Variants in DLG2 observed in about 807,000 individuals in gnomAD.
DLG2 encodes the protein discs large MAGUK scaffold protein 2.
DLG2 carries 45 observed loss-of-function variants against 132.5 expected under a neutral mutation model. The ratio of observed to expected loss-of-function variants is 0.34; its 90% confidence interval spans 0.27 to 0.44. The LOEUF is 0.44. Among genes scored for constraint, DLG2 ranks in the 20% least tolerant of loss-of-function variants. The pLI is 1.00. For missense variants in DLG2, 1,045 were observed against 1,196.9 expected (o/e 0.87, Z 1.87); for synonymous variants, 424 against 419.6 (o/e 1.01, Z -0.13).
At chr11:83,898,495 C>T (rs543606105) in intron 15 of DLG2, among the ~76,000 whole-genome samples, 1 of 152,020 alleles carries the variant, frequency 6.6e-6, no homozygotes, top group Admixed American at 6.6e-5. Flanking sequence ...ATAATGGAGA[C>T]TTTTTCTTTT....
chr11:85,020,280 T>G (rs2059929855), intron 6 of DLG2, among the ~76,000 whole-genome samples: 1 of 152,224 alleles, frequency 6.6e-6, no homozygotes, highest in Admixed American at 6.5e-5. Flanking sequence ...GAGAAGTGTC[T>G]GTTCATGTCC....
At chr11:85,219,295 C>A (rs893235548) in intron 4 of DLG2, among the ~76,000 whole-genome samples, 1 of 152,138 alleles carries the variant, frequency 6.6e-6, no homozygotes, top group African/African-American at 2.4e-5. Flanking sequence ...GGTCTCTAGG[C>A]TAGATTATAT....
At chr11:85,542,364 CA>C (rs1450956613) in intron 3 of DLG2, among the ~76,000 whole-genome samples, 1 of 152,028 alleles carries the variant, frequency 6.6e-6, no homozygotes, top group African/African-American at 2.4e-5. Flanking sequence ...AACTGAGTGG[CA>C]AACAAATGAT....
chr11:85,173,691 G>A (rs1434715450), intron 4 of DLG2, among the ~76,000 whole-genome samples: 1 of 152,078 alleles, frequency 6.6e-6, no homozygotes, highest in Non-Finnish European at 1.5e-5. Context: ...AAGCTGGATA[G>A]AGTCAAGACC....
intron 3 of DLG2, among the ~76,000 whole-genome samples, chr11:85,365,815 C>G (rs2084504303): frequency 6.6e-6 from 1 of 152,248 alleles, no homozygotes; most frequent in South Asian, 2.1e-4. Context: ...CAATCATTCT[C>G]AGCAAACTAA....
At chr11:85,415,905 T>C (rs1307745967) in intron 3 of DLG2, among the ~76,000 whole-genome samples, 1 of 152,226 alleles carries the variant, frequency 6.6e-6, no homozygotes, top group African/African-American at 2.4e-5. Context: ...TTGGGTTTTG[T>C]TGCCATTGCT....
intron 6 of DLG2, among the ~76,000 whole-genome samples, chr11:84,771,289 T>C (rs1400981890): frequency 6.6e-6 from 1 of 152,178 alleles, no homozygotes; most frequent in Non-Finnish European, 1.5e-5. Context: ...CTGTTATTTG[T>C]TGACTTTTTA....
chr11:84,393,548 A>G (rs1198430487), intron 7 of DLG2, among the ~76,000 whole-genome samples: 1 of 152,102 alleles, frequency 6.6e-6, no homozygotes, highest in Non-Finnish European at 1.5e-5. Context: ...TGACTTGCCT[A>G]TTTCTCTTAC....
At chr11:84,335,777 T>A (rs536265708) in intron 7 of DLG2, among the ~76,000 whole-genome samples, 1 of 152,260 alleles carries the variant, frequency 6.6e-6, no homozygotes, top group African/African-American at 2.4e-5. Context: ...GTTTACCTCT[T>A]AGGATAGTTG....
intron 18 of DLG2, among the ~76,000 whole-genome samples, chr11:83,688,997 C>A (rs1275852084): frequency 6.6e-6 from 1 of 152,096 alleles, no homozygotes; most frequent in Non-Finnish European, 1.5e-5. Context: ...ACGTTGAATG[C>A]CAGAAGAACG....
intron 4 of DLG2, among the ~76,000 whole-genome samples, chr11:85,268,694 G>C (rs1156298555): frequency 6.6e-6 from 1 of 152,130 alleles, no homozygotes; most frequent in Non-Finnish European, 1.5e-5. Flanking sequence ...ATGTCAGGTA[G>C]CACATTACAA....
chr11:85,391,649 A>G (rs544670436), intron 3 of DLG2, among the ~76,000 whole-genome samples: 1 of 152,268 alleles, frequency 6.6e-6, no homozygotes, highest in Non-Finnish European at 1.5e-5. Context: ...AAGCCAATAA[A>G]TGTGATACAC....
intron 6 of DLG2, among the ~76,000 whole-genome samples, chr11:84,648,045 G>A (rs2099677034): frequency 6.6e-6 from 1 of 152,038 alleles, no homozygotes; most frequent in African/African-American, 2.4e-5. Flanking sequence ...GAAACCTTAG[G>A]TAACTTACCC....
At chr11:85,214,256 T>C (rs2152572070) in intron 4 of DLG2, among the ~76,000 whole-genome samples, 1 of 152,282 alleles carries the variant, frequency 6.6e-6, no homozygotes. Context: ...GTCTTGATTA[T>C]TAGGACAACC....
At chr11:84,872,044 T>C (rs1397961547) in intron 6 of DLG2, among the ~76,000 whole-genome samples, 4 of 152,236 alleles carry the variant, frequency 2.6e-5, no homozygotes, top group Non-Finnish European at 5.9e-5. Context: ...AACAAGTTTA[T>C]ATCCTATCTA....
At chr11:85,559,825 T>C (rs2077135875) in intron 3 of DLG2, among the ~76,000 whole-genome samples, 2 of 121,528 alleles carry the variant, frequency 1.6e-5, no homozygotes, top group Admixed American at 1.5e-4. Flanking sequence ...GATTGATAGA[T>C]AGATAGATAG....
At chr11:84,930,600 C>T (rs1270093617) in intron 6 of DLG2, among the ~76,000 whole-genome samples, 1 of 151,760 alleles carries the variant, frequency 6.6e-6, no homozygotes, top group Non-Finnish European at 1.5e-5. Flanking sequence ...AAGAAGAAAA[C>T]AAAAACAAAA....
intron 7 of DLG2, among the ~76,000 whole-genome samples, chr11:84,345,873 T>C (rs2098537252): frequency 6.6e-6 from 1 of 152,196 alleles, no homozygotes; most frequent in Non-Finnish European, 1.5e-5. Flanking sequence ...ACTTGAATAG[T>C]AGTATCCGAG....
intron 7 of DLG2, among the ~76,000 whole-genome samples, chr11:84,458,423 G>C (rs1397682792): frequency 6.6e-6 from 1 of 150,760 alleles, no homozygotes; most frequent in Non-Finnish European, 1.5e-5. Flanking sequence ...TTGTCACCTG[G>C]AATATTGTCA....
Sources: gnomAD v4.1 joint callset for allele counts (sites outside exome capture counted in the v4.1 genomes callset) on GRCh38, gnomAD v4.1.1 for gene constraint, MANE v1.5 for transcripts, NCBI Gene and HGNC (gene_info 2026-07-23, HGNC 2026-07-21) for gene names.